The following CIBAR2 variants were observed in gnomAD, a reference collection of about 807,000 sequenced individuals.
CIBAR2 encodes CBY1-interacting BAR domain-containing protein 2.
In CIBAR2, 38 loss-of-function variants were observed where a neutral mutation model predicts 36.2. The ratio of observed to expected loss-of-function variants is 1.05; its 90% CI spans 0.81 to 1.38. The LOEUF is 1.38. Ranked by LOEUF, CIBAR2 falls within the 40% of genes most tolerant of loss-of-function variation. The probability of loss-of-function intolerance (pLI) is 0.00; values close to 1 mark genes in which losing one functional copy is unlikely to be tolerated. For missense variants in CIBAR2, 481 were observed against 383.4 expected (o/e 1.25, Z -2.13); for synonymous variants, 182 against 149.5 (o/e 1.22, Z -1.58).
chr16:85,103,785 G>C lies in CIBAR2; in HGVS notation c.538-1458C>G, dbSNP rs148810780. Among the ~76,000 whole-genome samples the C allele has an allele frequency of 7.9e-5, 12 of 152,340 alleles. No homozygotes were observed. In the East Asian group the frequency reaches 2.3e-3, roughly 29 times the overall value. ...ACTAGGTGCCAGGCCCTGGACCCTG[G>C]TGGCTGGGATTCGGCAGGGGTCCTG... On this transcript the variant is annotated intron_variant, in intron 6 of 8. Transcript: ENST00000539556.
In CIBAR2 at chr16:85,105,362, CCA is replaced by C. The variant is rs763712316; in HGVS notation, c.500_501del (p.Val167GlyfsTer17). 4.3e-6 allele frequency: 7 copies of C among 1,613,788 alleles called. No homozygotes were observed. The South Asian group carries it at 7.7e-5, about 18-fold the overall frequency. On this transcript the variant is annotated frameshift_variant, in exon 6 of 9. Coordinates refer to ENST00000539556, the MANE Select transcript of CIBAR2 (RefSeq NM_198491.3). LOFTEE classifies it high-confidence loss of function. Reference protein sequence around the residue: ...SRTTLQLEETVDGFQRQKLKD... With the variant: ...SRTTLQLEETXDGFQRQKLKD... ...TTGAGCTTCTGCCTCTGGAAGCCAT[CCA>C]CAGTCTCCTCCAGCTGGAGGGTGGT...
In CIBAR2 at chr16:85,102,337, G is replaced by A; in HGVS notation, c.538-10C>T. On this transcript the variant is annotated splice_polypyrimidine_tract_variant and intron_variant, in intron 6 of 8. Transcript: ENST00000539556. ...AGTCACAAAAAAATTTCTGTGGGGA[G>A]AGAAACCCAAAGAATGTAAGCATCG... 1.3e-6 allele frequency: 2 copies of A among 1,512,166 alleles called. No homozygotes were observed. The highest frequency in any genetic ancestry group is 1.8e-6 in the Non-Finnish European group (2 of 1,087,254). 93.7% of individuals were successfully genotyped at this position (1,512,166 alleles called of 1,614,324 possible).
At chr16:85,100,668 T>C (rs747344086) in intron 7 of CIBAR2, among the ~76,000 whole-genome samples, 1 of 152,182 alleles carries the variant, frequency 6.6e-6, no homozygotes, top group African/African-American at 2.4e-5. Context: ...TCCTCTCCCC[T>C]TGAATACAGG....
At chr16:85,101,960 GC>G (rs1202386254) in intron 7 of CIBAR2, among the ~76,000 whole-genome samples, 1 of 152,094 alleles carries the variant, frequency 6.6e-6, no homozygotes, top group Non-Finnish European at 1.5e-5. Flanking sequence ...GAACCACCAT[GC>G]CCCCGCCGAT....
rs747325695 is a variant in CIBAR2, at chr16:85,099,168, G to A, written c.*17C>T. On this transcript the variant is annotated 3_prime_UTR_variant, in exon 9 of 9. Coordinates refer to ENST00000539556, the MANE Select transcript of CIBAR2 (RefSeq NM_198491.3). Reference sequence around the variant, plus strand: ...GGATTATTTTAAACGGCTTGGGATTGCACTTACCCTACGTCGTTAGAGAGA... The same window carrying A: ...GGATTATTTTAAACGGCTTGGGATTACACTTACCCTACGTCGTTAGAGAGA... The A allele has an allele frequency of 2.6e-6, 4 of 1,527,250 alleles. No individual in the cohort carries two copies. The African/African-American group carries it at 4.2e-5, about 16-fold the overall frequency. The allele number at this position is 1,527,250 out of a possible 1,614,324, so 94.6% of individuals were successfully genotyped here.
At position 85,105,419 on chromosome 16, in the gene CIBAR2, C is replaced by T. The variant is rs1303240222; in HGVS notation, c.445G>A (p.Val149Met). ...CTGGAGTCCACAGCGGCCCTCTGCA[C>T]TCTGGTCTCTGCCTGGCCCCAGGGA... is the stretch of plus-strand genomic sequence containing the variant. ...QQMISQAETR[V>M]QRAAVDSSRT... is the part of the protein sequence containing the mutation. Residue 149 changes from valine to methionine, a missense_variant, in exon 6 of 9, where the codon GTG (valine) becomes ATG (methionine). Coordinates refer to ENST00000539556, the MANE Select transcript of CIBAR2 (RefSeq NM_198491.3). 1 of 1,613,480 alleles carries T rather than the reference C, an allele frequency of 6.2e-7. No homozygotes were observed.
At chr16:85,110,564 G>A in intron 1 of CIBAR2, 104 bp from the exon 2 acceptor site, 5 of 855,662 alleles carry the variant, frequency 5.8e-6, no homozygotes, top group Non-Finnish European at 8.8e-6. Flanking sequence ...CCACCAGCCG[G>A]CCTCTGGTGT....
At chr16:85,106,207 C>T (rs1272563898) in intron 5 of CIBAR2, among the ~76,000 whole-genome samples, 3 of 152,216 alleles carry the variant, frequency 2.0e-5, no homozygotes. Flanking sequence ...GACCCACATT[C>T]GTGTAGGTCA....
intron 1 of CIBAR2, among the ~76,000 whole-genome samples, chr16:85,111,245 C>T (rs980836556): frequency 6.6e-6 from 1 of 152,186 alleles, no homozygotes. Context: ...TGAGGAGCAG[C>T]CCTCTGTCCC....
chr16:85,110,907 G>A (rs1475400391), intron 1 of CIBAR2, among the ~76,000 whole-genome samples: 2 of 152,206 alleles, frequency 1.3e-5, no homozygotes, highest in Admixed American at 1.3e-4. Flanking sequence ...GTTTCACCAT[G>A]TTGGCCAGGC....
At chr16:85,104,652 G>T (rs1324694768) in intron 6 of CIBAR2, among the ~76,000 whole-genome samples, 5 of 152,130 alleles carry the variant, frequency 3.3e-5, no homozygotes, top group Non-Finnish European at 5.9e-5. Flanking sequence ...GGAGGCGAAG[G>T]TTGCAGTGAG....
chr16:85,104,137 G>C, intron 6 of CIBAR2, among the ~76,000 whole-genome samples: 1 of 152,236 alleles, frequency 6.6e-6, no homozygotes, highest in African/African-American at 2.4e-5. Context: ...CAAGGGGCCT[G>C]ACCAGTCTTG....
chr16:85,112,195 C>T (rs924329916), intron 1 of CIBAR2, 138 bp downstream of exon 1: 5 of 725,388 alleles, frequency 6.9e-6, no homozygotes, highest in Admixed American at 2.1e-5. Context: ...GTGGAGGCAC[C>T]GTGGGAGGGA....
chr16:85,105,454 T>C (rs1186504637), intron 5 of CIBAR2, 23 bp from the exon 6 acceptor site: 1 of 1,575,712 alleles, frequency 6.3e-7, no homozygotes. Context: ...ACACAAGACG[T>C]AGAAAGTGTC....
At chr16:85,099,797 CTTTT>C (rs71386075) in intron 8 of CIBAR2, among the ~76,000 whole-genome samples, 2,591 of 77,494 alleles carry the variant, frequency 0.033, 121 homozygotes, top group African/African-American at 0.13. Context: ...CTAATTTTTG[CTTTT>C]TTTTTTTTTT....
Position 85,112,396 on chromosome 16 carries a change from A to G in CIBAR2, c.-44T>C, listed in dbSNP as rs971522470. 3.1e-6 allele frequency: 5 copies of G among 1,601,406 alleles called. No individual in the cohort carries two copies. The African/African-American group carries it at 6.7e-5, about 21-fold the overall frequency. On this transcript the variant is annotated 5_prime_UTR_variant, in exon 1 of 9. Coordinates refer to ENST00000539556, the MANE Select transcript of CIBAR2 (RefSeq NM_198491.3). ...TGTCCCGGTGCTGGGGAATAAGGAC[A>G]GGGCCCCAGGGGTCCTGCAGGCCTG...
At position 85,103,308 on chromosome 16, in the gene CIBAR2, C is replaced by T. The variant is rs761091529; in HGVS notation, c.538-981G>A. 2.4e-4 allele frequency among the ~76,000 whole-genome samples: 36 copies of T among 152,142 alleles called. 1 individual carries two copies. The highest frequency in any genetic ancestry group is 4.6e-4 in the Non-Finnish European group (31 of 68,016). On this transcript the variant is annotated intron_variant, in intron 6 of 8. Coordinates refer to ENST00000539556, the MANE Select transcript of CIBAR2 (RefSeq NM_198491.3). ...TCTGCTGGAGCCTCGGTCTTGGACT[C>T]CCCAGCCTCCAACACCGTGAGAAAT...
intron 2 of CIBAR2, among the ~76,000 whole-genome samples, chr16:85,108,861 C>T (rs1175701657): frequency 3.3e-5 from 5 of 152,078 alleles, no homozygotes; most frequent in South Asian, 2.1e-4. Flanking sequence ...GGCAACAGAG[C>T]GAGACTCCAT....
rs768905864 is a variant in CIBAR2, at chr16:85,107,965, G to T, written c.325-18C>A. 6.2e-6 allele frequency: 10 copies of T among 1,613,292 alleles called. No individual in the cohort carries two copies. The highest frequency in any genetic ancestry group is 6.8e-6 in the Non-Finnish European group (8 of 1,179,300). On this transcript the variant is annotated intron_variant, in intron 3 of 8. Coordinates refer to ENST00000539556, the MANE Select transcript of CIBAR2 (RefSeq NM_198491.3). ...ATCTCAGCCTGCAGAAAAGGAGGAG[G>T]GTTGTTTCCTGGGATCCCACAGGGC...
Sources: gnomAD v4.1 joint callset for allele counts (sites outside exome capture counted in the v4.1 genomes callset) on GRCh38, gnomAD v4.1.1 for gene constraint, MANE v1.5 for transcripts, NCBI Gene and HGNC (gene_info 2026-07-23, HGNC 2026-07-21) for gene names.